The following MBD5 variants were observed in gnomAD, a reference collection of about 807,000 sequenced individuals.
MBD5 encodes the protein methyl-CpG binding domain protein 5.
MBD5 carries 13 observed loss-of-function variants against 117.3 expected under a neutral mutation model. The observed-to-expected ratio is 0.11, with a 90% CI of 0.07 to 0.18. MBD5 has a LOEUF of 0.18. Among genes scored for constraint, MBD5 ranks in the 10% least tolerant of loss-of-function variants. MBD5 has a pLI of 1.00. For synonymous variants in MBD5, 727 were observed against 766.4 expected, an observed-to-expected ratio of 0.95 and a Z score of 0.85; for missense variants, 1,879 against 2,093.8, an observed-to-expected ratio of 0.90 and a Z score of 2.00.
chr2:148,160,231 C>G (rs372106221), intron 1 of MBD5, among the ~76,000 whole-genome samples: 4 of 152,162 alleles, frequency 2.6e-5, no homozygotes, highest in East Asian at 3.9e-4. Flanking sequence ...AACCCCGTCT[C>G]TACTAAAAAT....
At chr2:148,139,790 A>G (rs1250230661) in intron 1 of MBD5, among the ~76,000 whole-genome samples, 10 of 152,106 alleles carry the variant, frequency 6.6e-5, no homozygotes, top group Non-Finnish European at 1.5e-5. Flanking sequence ...GTACTGGTGC[A>G]TCTCTGAGCT....
At chr2:148,100,758 G>T (rs1329858408) in intron 1 of MBD5, among the ~76,000 whole-genome samples, 1 of 152,200 alleles carries the variant, frequency 6.6e-6, no homozygotes, top group Non-Finnish European at 1.5e-5. Flanking sequence ...CTAGGTGGAA[G>T]CTTTATCCTT....
chr2:148,460,683 A>T (rs1439116588), intron 5 of MBD5, among the ~76,000 whole-genome samples: 4 of 152,190 alleles, frequency 2.6e-5, no homozygotes, highest in Non-Finnish European at 1.5e-5. Flanking sequence ...TACATTAATT[A>T]TTACTCTGAG....
chr2:148,041,041 T>C (rs1694343291), intron 1 of MBD5, among the ~76,000 whole-genome samples: 2 of 152,098 alleles, frequency 1.3e-5, no homozygotes, highest in South Asian at 4.1e-4. Context: ...TGGGTCACTA[T>C]AGCCTCAACC....
intron 2 of MBD5, among the ~76,000 whole-genome samples, chr2:148,217,428 C>T (rs887485285): frequency 2.6e-5 from 4 of 152,150 alleles, no homozygotes; most frequent in Non-Finnish European, 5.9e-5. Context: ...TGCAGAGAGG[C>T]CAGCTCATCA....
intron 4 of MBD5, among the ~76,000 whole-genome samples, chr2:148,386,146 T>C (rs999979638): frequency 3.3e-5 from 5 of 151,910 alleles, no homozygotes; most frequent in Admixed American, 1.3e-4. Flanking sequence ...GGCTACAAAT[T>C]AAATGACCTA....
At chr2:148,320,249 A>G (rs183474131) in intron 3 of MBD5, among the ~76,000 whole-genome samples, 146 of 152,272 alleles carry the variant, frequency 9.6e-4, no homozygotes, top group African/African-American at 3.4e-3. Flanking sequence ...TACAGACCTC[A>G]TAGAATGAGT....
chr2:148,334,656 A>G (rs1051287850), intron 3 of MBD5, among the ~76,000 whole-genome samples: 2 of 152,166 alleles, frequency 1.3e-5, no homozygotes, highest in African/African-American at 4.8e-5. Context: ...TTAATAAAAT[A>G]CTTAAGATAA....
chr2:148,371,325 A>G (rs1367888055), intron 4 of MBD5, among the ~76,000 whole-genome samples: 1 of 152,158 alleles, frequency 6.6e-6, no homozygotes, highest in Non-Finnish European at 1.5e-5. Flanking sequence ...AGAATCCCAC[A>G]TCAATGTTGA....
intron 4 of MBD5, among the ~76,000 whole-genome samples, chr2:148,367,924 C>A (rs1363482520): frequency 6.6e-6 from 1 of 152,124 alleles, no homozygotes; most frequent in African/African-American, 2.4e-5. Context: ...TGTGGCGATT[C>A]CTCAAGGATC....
intron 2 of MBD5, among the ~76,000 whole-genome samples, chr2:148,222,388 T>C (rs978660105): frequency 6.6e-6 from 1 of 152,162 alleles, no homozygotes; most frequent in African/African-American, 2.4e-5. Context: ...TTCCAATCCA[T>C]GGACATGGAG....
At chr2:148,493,659 T>C (rs1681599062) in intron 11 of MBD5, among the ~76,000 whole-genome samples, 1 of 152,190 alleles carries the variant, frequency 6.6e-6, no homozygotes, top group South Asian at 2.1e-4. Flanking sequence ...TAGCAGACAC[T>C]GTTGGTCATA....
chr2:148,153,095 G>GTTTA (rs974083822), intron 1 of MBD5, among the ~76,000 whole-genome samples: 19 of 151,770 alleles, frequency 1.3e-4, no homozygotes, highest in Admixed American at 1.2e-3. Context: ...TCCTTTCCAT[G>GTTTA]TTTAGCGCTT....
At chr2:148,324,908 G>C (rs1019854950) in intron 3 of MBD5, among the ~76,000 whole-genome samples, 2 of 152,122 alleles carry the variant, frequency 1.3e-5, no homozygotes, top group Non-Finnish European at 2.9e-5. Context: ...TCCCTGTCTT[G>C]TGCCTGTTTT....
At chr2:148,115,440 G>A (rs1295621644) in intron 1 of MBD5, among the ~76,000 whole-genome samples, 2 of 152,078 alleles carry the variant, frequency 1.3e-5, no homozygotes, top group African/African-American at 2.4e-5. Context: ...TTACAGAATC[G>A]TTGAGAATTC....
chr2:148,034,775 A>G (rs928941266), intron 1 of MBD5, among the ~76,000 whole-genome samples: 6 of 152,224 alleles, frequency 3.9e-5, no homozygotes, highest in African/African-American at 1.4e-4. Context: ...GCTTTGAGAA[A>G]GAAAGGTCAT....
chr2:148,037,830 T>C (rs578151003), intron 1 of MBD5, among the ~76,000 whole-genome samples: 1 of 152,086 alleles, frequency 6.6e-6, no homozygotes, highest in South Asian at 2.1e-4. Context: ...CACCTATGAA[T>C]AAGACAGGCA....
chr2:148,335,923 G>A (rs1468573560), intron 3 of MBD5, among the ~76,000 whole-genome samples: 1 of 152,150 alleles, frequency 6.6e-6, no homozygotes, highest in Non-Finnish European at 1.5e-5. Context: ...CATACAGCTA[G>A]TGCATGACAA....
intron 3 of MBD5, among the ~76,000 whole-genome samples, chr2:148,321,913 T>G (rs1365659348): frequency 6.6e-6 from 1 of 152,138 alleles, no homozygotes; most frequent in Non-Finnish European, 1.5e-5. Context: ...TGCCATACTC[T>G]CTTTGAACCT....
Sources: gnomAD v4.1 joint callset for allele counts (sites outside exome capture counted in the v4.1 genomes callset) on GRCh38, gnomAD v4.1.1 for gene constraint, MANE v1.5 for transcripts, NCBI Gene and HGNC (gene_info 2026-07-23, HGNC 2026-07-21) for gene names.